The following AK9 variants were observed in gnomAD, a reference collection of about 807,000 sequenced individuals.
The protein encoded by AK9 is adenylate kinase domain containing 1.
AK9 carries 191 observed loss-of-function variants against 239.6 expected under a neutral mutation model. The observed-to-expected ratio is 0.80, with a 90% CI of 0.71 to 0.90. The LOEUF is 0.90. Ranked by LOEUF, AK9 falls within the 40% of genes least tolerant of loss-of-function variation. The pLI, the probability that AK9 is intolerant of heterozygous loss-of-function variation, is 0.00. For missense variants in AK9, 1,995 were observed against 2,214.7 expected (o/e 0.90, Z 1.99); for synonymous variants, 689 against 721.0 (o/e 0.96, Z 0.71).
chr6:109,598,063 G>C (rs539539140), intron 17 of AK9, among the ~76,000 whole-genome samples: 64 of 151,792 alleles, frequency 4.2e-4, no homozygotes, highest in South Asian at 1.9e-3. Flanking sequence ...TTTTTGATTT[G>C]TGTAATTTAT....
At chr6:109,523,313 T>G (rs1780074246) in intron 29 of AK9, among the ~76,000 whole-genome samples, 1 of 152,116 alleles carries the variant, frequency 6.6e-6, no homozygotes, top group South Asian at 2.1e-4. Context: ...TCATTTAATC[T>G]TGTAGAACAG....
chr6:109,641,942 G>C (rs1021994292), intron 9 of AK9, among the ~76,000 whole-genome samples: 2 of 152,092 alleles, frequency 1.3e-5, no homozygotes, highest in East Asian at 1.9e-4. Flanking sequence ...TCTTTTTGAG[G>C]GACACATTTC....
At chr6:109,596,636 T>C (rs1791069492) in intron 17 of AK9, among the ~76,000 whole-genome samples, 1 of 152,098 alleles carries the variant, frequency 6.6e-6, no homozygotes, top group Non-Finnish European at 1.5e-5. Flanking sequence ...AGGCATGAAG[T>C]GAAGAGAGTG....
intron 38 of AK9, among the ~76,000 whole-genome samples, 190 bp from the exon 39 acceptor site, chr6:109,495,630 C>T (rs1433175652): frequency 6.6e-6 from 1 of 152,190 alleles, no homozygotes; most frequent in East Asian, 1.9e-4. Flanking sequence ...CAGCCCTACT[C>T]ACCTCGACTC....
At chr6:109,532,815 T>C (rs1781455553) in intron 28 of AK9, among the ~76,000 whole-genome samples, 1 of 143,618 alleles carries the variant, frequency 7.0e-6, no homozygotes, top group African/African-American at 2.5e-5. Flanking sequence ...TCTTATGGAA[T>C]ACTCCTCAGA....
intron 17 of AK9, among the ~76,000 whole-genome samples, chr6:109,589,495 GGTATA>G (rs1789939235): frequency 6.6e-6 from 1 of 152,038 alleles, no homozygotes; most frequent in Non-Finnish European, 1.5e-5. Flanking sequence ...GGGTTTTCTA[GGTATA>G]GAAACATATC....
intron 20 of AK9, among the ~76,000 whole-genome samples, chr6:109,575,269 G>A (rs1364074257): frequency 6.6e-6 from 1 of 152,128 alleles, no homozygotes; most frequent in Admixed American, 6.5e-5. Flanking sequence ...GTTTTCCATA[G>A]TGTTGTACTG....
intron 24 of AK9, among the ~76,000 whole-genome samples, chr6:109,560,198 C>A (rs9384715): frequency 0.58 from 88,571 of 152,110 alleles, 27,481 homozygotes; most frequent in East Asian, 0.84. Flanking sequence ...CAGCCTATCA[C>A]AATAGAAAAT....
intron 36 of AK9, among the ~76,000 whole-genome samples, chr6:109,498,603 T>C (rs1191384050): frequency 6.6e-6 from 1 of 152,216 alleles, no homozygotes; most frequent in Non-Finnish European, 1.5e-5. Flanking sequence ...TAAGCAGAAA[T>C]ATAAGGTATA....
At chr6:109,536,918 G>C (rs375626349) in intron 27 of AK9, among the ~76,000 whole-genome samples, 1 of 152,122 alleles carries the variant, frequency 6.6e-6, no homozygotes, top group Non-Finnish European at 1.5e-5. Context: ...ATTGATTTGC[G>C]TATGTTGAAC....
chr6:109,505,288 T>C (rs1018377661), intron 35 of AK9, among the ~76,000 whole-genome samples: 3 of 152,232 alleles, frequency 2.0e-5, no homozygotes, highest in African/African-American at 7.2e-5. Flanking sequence ...ACCTTCTGTG[T>C]AGTTTCTGAA....
At chr6:109,609,125 A>G (rs529449694) in intron 17 of AK9, among the ~76,000 whole-genome samples, 8 of 152,324 alleles carry the variant, frequency 5.3e-5, no homozygotes, top group African/African-American at 1.4e-4. Flanking sequence ...AATACTATAT[A>G]TATTCCTATA....
intron 8 of AK9, 123 bp downstream of exon 8, chr6:109,656,633 C>T: frequency 8.9e-7 from 1 of 1,128,662 alleles, no homozygotes; most frequent in South Asian, 1.8e-5. Flanking sequence ...CAGCTTTCTA[C>T]AAAGCTCAAG....
intron 17 of AK9, among the ~76,000 whole-genome samples, chr6:109,586,459 TATA>T (rs767527643): frequency 1.3e-5 from 2 of 152,088 alleles, no homozygotes; most frequent in Non-Finnish European, 2.9e-5. Context: ...GTGAAATAAA[TATA>T]ATAATACATT....
intron 30 of AK9, 120 bp downstream of exon 30, chr6:109,516,310 A>G (rs1415011506): frequency 2.1e-6 from 2 of 959,436 alleles, no homozygotes; most frequent in African/African-American, 3.3e-5. Context: ...CGATAAAAGG[A>G]AATACAGCCC....
At chr6:109,502,311 G>C (rs1221333673) in intron 35 of AK9, among the ~76,000 whole-genome samples, 1 of 152,084 alleles carries the variant, frequency 6.6e-6, no homozygotes, top group Admixed American at 6.6e-5. Flanking sequence ...TCGGAAATAG[G>C]GTCAGAGAAA....
chr6:109,533,228 A>G (rs1562364192), intron 28 of AK9, 23 bp downstream of exon 28: 7 of 1,551,334 alleles, frequency 4.5e-6, no homozygotes, highest in Non-Finnish European at 5.3e-6. Flanking sequence ...GATTTATTCA[A>G]TGCATTTTTG....
At chr6:109,619,351 T>A in intron 12 of AK9, 115 bp from the exon 13 acceptor site, 2 of 1,126,028 alleles carry the variant, frequency 1.8e-6, no homozygotes, top group Non-Finnish European at 2.4e-6. Context: ...CCAAAAATAT[T>A]AATACTGCTT....
At chr6:109,514,188 T>C (rs1310177512) in intron 32 of AK9, 36 bp downstream of exon 32, 2 of 1,527,396 alleles carry the variant, frequency 1.3e-6, no homozygotes, top group Non-Finnish European at 1.8e-6. Flanking sequence ...CAGATTCTTT[T>C]ATGCTTGAGG....
Sources: allele counts gnomAD v4.1 joint callset (sites outside exome capture counted in the v4.1 genomes callset), GRCh38; gene constraint gnomAD v4.1.1; transcripts MANE v1.5; gene names NCBI Gene and HGNC (gene_info 2026-07-23, HGNC 2026-07-21).